Variants in NEDD4 observed in about 807,000 individuals in gnomAD.
The protein encoded by NEDD4 is NEDD4 E3 ubiquitin protein ligase.
NEDD4 carries 99 observed loss-of-function variants against 144.9 expected under a neutral mutation model. That is an observed-to-expected ratio of 0.68 (90% CI 0.58 to 0.81). The LOEUF (loss-of-function observed/expected upper bound fraction) is 0.81, where lower values mean the gene tolerates loss of function less well. Among genes scored for constraint, NEDD4 ranks in the 30% least tolerant of loss-of-function variants. NEDD4 has a pLI of 0.00. For synonymous variants in NEDD4, 318 were observed against 350.6 expected (o/e 0.91, Z 1.04); for missense variants, 985 against 1,065.9 (o/e 0.92, Z 1.06).
At chr15:55,855,551 G>A (rs1455475296) in intron 12 of NEDD4, among the ~76,000 whole-genome samples, 1 of 152,220 alleles carries the variant, frequency 6.6e-6, no homozygotes, top group Admixed American at 6.5e-5. Context: ...CAGTAGTGAG[G>A]CTTGTGTTAG....
chr15:55,837,653 T>C, intron 24 of NEDD4, 136 bp downstream of exon 24: 1 of 550,788 alleles, frequency 1.8e-6, no homozygotes, highest in South Asian at 3.1e-5. Flanking sequence ...ATTTAGTTAA[T>C]ATAAAAATAT....
chr15:55,878,407 A>T (rs1179204475), intron 5 of NEDD4, among the ~76,000 whole-genome samples: 1 of 152,198 alleles, frequency 6.6e-6, no homozygotes, highest in African/African-American at 2.4e-5. Flanking sequence ...GGTAAATATT[A>T]TATGAAAATA....
intron 18 of NEDD4, among the ~76,000 whole-genome samples, chr15:55,845,942 C>T (rs184135900): frequency 1.8e-4 from 27 of 151,998 alleles, no homozygotes; most frequent in African/African-American, 6.5e-4. Flanking sequence ...TGCGCCATCA[C>T]ACCTAACTAA....
intron 14 of NEDD4, 144 bp from the exon 15 acceptor site, chr15:55,849,030 G>A: frequency 1.5e-6 from 1 of 661,486 alleles, no homozygotes; most frequent in Non-Finnish European, 2.6e-6. Context: ...CTAAATATGT[G>A]ACACAATATT....
At chr15:55,847,882 G>A (rs549291303) in intron 17 of NEDD4, among the ~76,000 whole-genome samples, 2 of 151,926 alleles carry the variant, frequency 1.3e-5, no homozygotes, top group Non-Finnish European at 1.5e-5. Context: ...GTTTCACCAC[G>A]TTGGCCGGGC....
chr15:55,973,119 C>T (rs1231235126), intron 1 of NEDD4, among the ~76,000 whole-genome samples: 1 of 152,222 alleles, frequency 6.6e-6, no homozygotes, highest in African/African-American at 2.4e-5. Context: ...TTAATCTGCA[C>T]TGTAAACCAA....
At chr15:55,951,010 G>A (rs777710359) in intron 4 of NEDD4, among the ~76,000 whole-genome samples, 10 of 152,150 alleles carry the variant, frequency 6.6e-5, no homozygotes, top group East Asian at 3.9e-4. Flanking sequence ...TGTCAATGAC[G>A]TGTGGATAAA....
At chr15:55,993,432 C>T (rs982490318) in intron 1 of NEDD4, 79 bp downstream of exon 1, 7 of 1,539,758 alleles carry the variant, frequency 4.5e-6, no homozygotes, top group Non-Finnish European at 6.2e-6. Flanking sequence ...CCGGTCGTGG[C>T]CGCCGCCGCT....
At chr15:55,900,535 A>G (rs1446219109) in intron 5 of NEDD4, among the ~76,000 whole-genome samples, 2 of 152,196 alleles carry the variant, frequency 1.3e-5, no homozygotes, top group Non-Finnish European at 1.5e-5. Flanking sequence ...ATATTTATAA[A>G]TAACATGCCA....
intron 4 of NEDD4, among the ~76,000 whole-genome samples, chr15:55,942,672 C>T (rs1445128084): frequency 6.6e-6 from 1 of 152,160 alleles, no homozygotes; most frequent in Middle Eastern, 3.2e-3. Flanking sequence ...TTATAAACTG[C>T]TCAGTCTCAG....
intron 4 of NEDD4, among the ~76,000 whole-genome samples, chr15:55,926,593 C>A (rs906961176): frequency 7.2e-5 from 11 of 151,948 alleles, no homozygotes; most frequent in African/African-American, 2.7e-4. Flanking sequence ...CATAGGGAGA[C>A]CATCTCTACA....
chr15:55,844,869 A>G (rs1432171406), intron 18 of NEDD4, among the ~76,000 whole-genome samples: 3 of 148,664 alleles, frequency 2.0e-5, no homozygotes, highest in African/African-American at 7.5e-5. Flanking sequence ...GTGCAGTGGC[A>G]TGATTATAGC....
intron 1 of NEDD4, among the ~76,000 whole-genome samples, chr15:55,969,512 T>C (rs953821204): frequency 3.3e-5 from 5 of 152,106 alleles, no homozygotes; most frequent in Non-Finnish European, 7.4e-5. Flanking sequence ...GCACAGTTCA[T>C]AGCTCCAGGA....
chr15:55,952,296 T>C (rs1243118175), intron 2 of NEDD4, among the ~76,000 whole-genome samples: 1 of 152,028 alleles, frequency 6.6e-6, no homozygotes, highest in African/African-American at 2.4e-5. Flanking sequence ...ATCACGCCAC[T>C]GCACTCAAGC....
chr15:55,891,197 G>A (rs1471026105), intron 5 of NEDD4, among the ~76,000 whole-genome samples: 1 of 152,150 alleles, frequency 6.6e-6, no homozygotes, highest in African/African-American at 2.4e-5. Context: ...TCTGAAATGA[G>A]TTTCTTCACT....
At chr15:55,939,921 T>G (rs2036965125) in intron 4 of NEDD4, among the ~76,000 whole-genome samples, 1 of 152,144 alleles carries the variant, frequency 6.6e-6, no homozygotes, top group African/African-American at 2.4e-5. Context: ...CCTCCCACGT[T>G]CATTACAGCA....
chr15:55,863,567 T>C (rs2034483306), intron 8 of NEDD4, among the ~76,000 whole-genome samples: 3 of 152,036 alleles, frequency 2.0e-5, no homozygotes, highest in African/African-American at 7.2e-5. Flanking sequence ...ACAATTATTG[T>C]CAATCAAAAA....
At chr15:55,913,377 C>A (rs1005757713) in intron 5 of NEDD4, among the ~76,000 whole-genome samples, 2 of 151,906 alleles carry the variant, frequency 1.3e-5, no homozygotes, top group Non-Finnish European at 2.9e-5. Context: ...ATTATTGTTG[C>A]CACTGCTATA....
At chr15:55,921,386 G>A (rs1469788755) in intron 5 of NEDD4, among the ~76,000 whole-genome samples, 1 of 151,606 alleles carries the variant, frequency 6.6e-6, no homozygotes, top group Non-Finnish European at 1.5e-5. Context: ...ATGCAATGGT[G>A]TGATCTCAGC....
Sources: gnomAD v4.1 joint callset for allele counts (sites outside exome capture counted in the v4.1 genomes callset) on GRCh38, gnomAD v4.1.1 for gene constraint, MANE v1.5 for transcripts, NCBI Gene and HGNC (gene_info 2026-07-23, HGNC 2026-07-21) for gene names.